Variants in JAKMIP1 observed in about 807,000 individuals in gnomAD.
The protein encoded by JAKMIP1 is janus kinase and microtubule-interacting protein 1.
In JAKMIP1, 33 loss-of-function variants were observed where a neutral mutation model predicts 113.0. That is an observed-to-expected ratio of 0.29 (90% CI 0.22 to 0.39). The LOEUF is 0.39. Ranked by LOEUF, JAKMIP1 falls within the 10% of genes least tolerant of loss-of-function variation. The pLI is 1.00. For synonymous variants in JAKMIP1, 480 were observed against 459.9 expected (o/e 1.04, Z -0.56); for missense variants, 813 against 1,080.5 (o/e 0.75, Z 3.47).
Position 6,129,223 on chromosome 4 carries a change from C to G in JAKMIP1, c.-147-16226G>C, listed in dbSNP as rs1404734738. 6.6e-6 allele frequency among the ~76,000 whole-genome samples: 1 copy of G among 152,222 alleles called. No individual in the cohort carries two copies. Among genetic ancestry groups the G allele is most frequent in the Non-Finnish European group, 1.5e-5 (1 of 68,040 alleles). On this transcript the variant is annotated intron_variant, in intron 1 of 20. Coordinates refer to ENST00000409021, the MANE Select transcript of JAKMIP1 (RefSeq NM_001099433.2). This position sits in a 1 kb window ranked among gnomAD's most constrained non-coding sequence, Gnocchi z 5.4. ...ATCAAGGGACACAGGTTTCCTGATT[C>G]CTTGATAAAAATAGTCCCCCCTTCT... is the stretch of plus-strand genomic sequence containing the variant.
rs918160693 is a variant in JAKMIP1 at position 6,044,185 on chromosome 4, G to C, written c.2029-1958C>G. Among the ~76,000 whole-genome samples, 88 of 129,386 alleles carry C rather than the reference G, an allele frequency of 6.8e-4. No individual in the cohort carries two copies. Among genetic ancestry groups the C allele is most frequent in the African/African-American group, 3.7e-3 (85 of 22,708 alleles). 84.9% of individuals were successfully genotyped at this position (129,386 alleles called of 152,430 possible). On this transcript the variant is annotated intron_variant, in intron 16 of 20. Coordinates refer to ENST00000409021, the MANE Select transcript of JAKMIP1 (RefSeq NM_001099433.2). This position sits in a 1 kb window ranked among gnomAD's most constrained non-coding sequence, Gnocchi z 4.4. ...GAATGCCGGGTCGTAGCACTCACCTGACAGCGCTGTTGTCTGTTTCACCCC... is the reference window on the plus strand; with the variant it reads ...GAATGCCGGGTCGTAGCACTCACCTCACAGCGCTGTTGTCTGTTTCACCCC...
rs1725386939 is a variant in JAKMIP1, at chr4:6,176,774, G to A, written c.-148+23479C>T. Among the ~76,000 whole-genome samples the A allele has an allele frequency of 6.6e-6, 1 of 152,174 alleles. No homozygotes were observed. Reference sequence around the variant, plus strand: ...AAGCTGGGCGCCATGGCTCACACCTGTAATCCTAGCACTTTTTGGGGGCCG... The same window carrying A: ...AAGCTGGGCGCCATGGCTCACACCTATAATCCTAGCACTTTTTGGGGGCCG... On this transcript the variant is annotated intron_variant, in intron 1 of 20. Transcript: ENST00000409021. This position sits in a 1 kb window ranked among gnomAD's most constrained non-coding sequence, Gnocchi z 5.5.
rs201425445 is a variant in JAKMIP1 at position 6,027,095 on chromosome 4, C to T, written c.2446-817G>A. Reference sequence around the variant, plus strand: ...AGAGAAAAAAAAAATCAGGGAAAGACGGTCTTAACGGGAGGAAAAATTAAA... The same window carrying T: ...AGAGAAAAAAAAAATCAGGGAAAGATGGTCTTAACGGGAGGAAAAATTAAA... On this transcript the variant is annotated intron_variant, in intron 20 of 20. Coordinates refer to ENST00000409021, the MANE Select transcript of JAKMIP1 (RefSeq NM_001099433.2). Among the ~76,000 whole-genome samples the T allele has an allele frequency of 4.6e-5, 7 of 151,744 alleles. No homozygotes were observed. The East Asian group carries it at 9.7e-4, about 21-fold the overall frequency.
chr4:6,179,878 T>C lies in JAKMIP1; in HGVS notation c.-148+20375A>G, dbSNP rs117703292. On this transcript the variant is annotated intron_variant, in intron 1 of 20. Coordinates refer to ENST00000409021, the MANE Select transcript of JAKMIP1 (RefSeq NM_001099433.2). The surrounding 1 kb of genome is among the most constrained non-coding windows in gnomAD (Gnocchi z 4.5). ...GGTGAAGTCACTTTCTTAAAATCCA[T>C]AGCTTGTAAATGACAGAGTCAGGAC... 7.2e-5 allele frequency among the ~76,000 whole-genome samples: 11 copies of C among 152,312 alleles called. No homozygotes were observed. The East Asian group carries it at 2.1e-3, about 29-fold the overall frequency.
chr4:6,132,984 T>C (rs1258445161), intron 1 of JAKMIP1, among the ~76,000 whole-genome samples: 1 of 152,160 alleles, frequency 6.6e-6, no homozygotes, highest in Non-Finnish European at 1.5e-5. Context: ...TCTCTTGGTG[T>C]TGACACAATC....
chr4:6,070,925 T>C (rs1430655023), intron 8 of JAKMIP1, among the ~76,000 whole-genome samples: 1 of 152,164 alleles, frequency 6.6e-6, no homozygotes, highest in Non-Finnish European at 1.5e-5. Context: ...CGGAGAAGCG[T>C]CACCAGACAT....
intron 11 of JAKMIP1, 151 bp from the exon 12 acceptor site, chr4:6,056,910 C>A (rs145605060): frequency 1.3e-4 from 73 of 582,306 alleles, no homozygotes; most frequent in Non-Finnish European, 1.7e-4. Context: ...TGTCCCTGTC[C>A]ACTTTTAAAC....
chr4:6,049,745 A>C lies in JAKMIP1; in HGVS notation c.1962+74T>G. 2 of 1,166,888 alleles carry C rather than the reference A, an allele frequency of 1.7e-6. No homozygotes were observed. The highest frequency in any genetic ancestry group is 2.5e-6 in the Non-Finnish European group (2 of 785,302). The allele number at this position is 1,166,888 out of a possible 1,614,324, so 72.3% of individuals were successfully genotyped here. Reference sequence around the variant, plus strand: ...ATCAGAGAGAAATTAAAAACAAAACAAAACAAAAGTCACACAGAATACACC... The same window carrying C: ...ATCAGAGAGAAATTAAAAACAAAACCAAACAAAAGTCACACAGAATACACC... On this transcript the variant is annotated intron_variant, in intron 15 of 20. Transcript: ENST00000409021. The surrounding 1 kb of genome is among the most constrained non-coding windows in gnomAD (Gnocchi z 7.0).
Position 6,091,740 on chromosome 4 carries a change from T to C in JAKMIP1, c.625-6111A>G, listed in dbSNP as rs541810640. Among the ~76,000 whole-genome samples the C allele has an allele frequency of 4.6e-5, 7 of 152,358 alleles. No individual in the cohort carries two copies. In the South Asian group the frequency reaches 1.4e-3, roughly 32 times the overall value. On this transcript the variant is annotated intron_variant, in intron 3 of 20. Transcript: ENST00000409021. ...ACTCAGTATTGGTGTGCTTGCACTG[T>C]CTATAAATCAGAAATTTTAAACTGA...
rs908227053 is a variant in JAKMIP1, at chr4:6,197,425, C to T, written c.-148+2828G>A. On this transcript the variant is annotated intron_variant, in intron 1 of 20. Transcript: ENST00000409021. This position sits in a 1 kb window ranked among gnomAD's most constrained non-coding sequence, Gnocchi z 6.5. The stretch of plus-strand genomic sequence containing the variant: ...TTCACCATCATCACCCCTCATAAAT[C>T]GGCTACCTTTGCTCAGAGACCACAC... Among the ~76,000 whole-genome samples, 7 of 152,314 alleles carry T rather than the reference C, an allele frequency of 4.6e-5. No homozygotes were observed. The highest frequency in any genetic ancestry group is 8.8e-5 in the Non-Finnish European group (6 of 68,022).
chr4:6,046,396 A>T (rs940047081), intron 16 of JAKMIP1, among the ~76,000 whole-genome samples: 9 of 152,258 alleles, frequency 5.9e-5, no homozygotes, highest in African/African-American at 2.2e-4. Context: ...GTTTAAGTCT[A>T]TTCCTCAAAG....
intron 20 of JAKMIP1, among the ~76,000 whole-genome samples, chr4:6,027,067 T>G (rs556943945): frequency 5.6e-4 from 83 of 148,274 alleles, no homozygotes; most frequent in African/African-American, 1.9e-3. Context: ...AGTCTACTTA[T>G]ACAGAGAAAA....
chr4:6,083,634 T>C (rs1720898248), intron 5 of JAKMIP1, among the ~76,000 whole-genome samples: 2 of 151,886 alleles, frequency 1.3e-5, no homozygotes, highest in South Asian at 4.1e-4. Flanking sequence ...TTAAAAATAC[T>C]GGAAGGAAGT....
chr4:6,079,180 C>T (rs1347819557), intron 7 of JAKMIP1, among the ~76,000 whole-genome samples, 182 bp from the exon 8 acceptor site: 2 of 152,110 alleles, frequency 1.3e-5, no homozygotes, highest in East Asian at 1.9e-4. Flanking sequence ...TTATTATCCA[C>T]CTTTTGACTT....
chr4:6,041,170 C>A (rs1714267011), intron 17 of JAKMIP1, among the ~76,000 whole-genome samples: 1 of 152,206 alleles, frequency 6.6e-6, no homozygotes, highest in African/African-American at 2.4e-5. Context: ...CTCCCACATA[C>A]CTGGGTCACT....
chr4:6,125,386 GCCA>G (rs1717268253), intron 1 of JAKMIP1, among the ~76,000 whole-genome samples: 1 of 152,108 alleles, frequency 6.6e-6, no homozygotes. Flanking sequence ...TGGGACACAG[GCCA>G]CCCAATGCCA....
intron 1 of JAKMIP1, among the ~76,000 whole-genome samples, chr4:6,195,333 T>TC (rs1422801105): frequency 6.6e-6 from 1 of 152,226 alleles, no homozygotes; most frequent in Non-Finnish European, 1.5e-5. Flanking sequence ...ATGGTAGCGC[T>TC]CGTTGCTCAA....
At chr4:6,166,155 T>G (rs1322485783) in intron 1 of JAKMIP1, among the ~76,000 whole-genome samples, 1 of 152,198 alleles carries the variant, frequency 6.6e-6, no homozygotes, top group Non-Finnish European at 1.5e-5. Flanking sequence ...TAAGGTATAT[T>G]CACAGGTTCC....
At chr4:6,043,260 C>G (rs1035064908) in intron 16 of JAKMIP1, among the ~76,000 whole-genome samples, 1 of 151,914 alleles carries the variant, frequency 6.6e-6, no homozygotes, top group Non-Finnish European at 1.5e-5. Context: ...TGTGGAGCAC[C>G]CCCTTTCCTG....
Sources: allele counts gnomAD v4.1 joint callset (sites outside exome capture counted in the v4.1 genomes callset), GRCh38; gene constraint gnomAD v4.1.1; non-coding constraint Gnocchi (gnomAD v3.1); transcripts MANE v1.5; gene names NCBI Gene and HGNC (gene_info 2026-07-23, HGNC 2026-07-21).